Variants in ASPM observed in about 807,000 individuals in gnomAD.
ASPM encodes the protein assembly factor for spindle microtubules, also known as abnormal spindle-like microcephaly-associated protein.
In ASPM, 256 loss-of-function variants were observed where a neutral mutation model predicts 366.4. The ratio of observed to expected loss-of-function variants is 0.70; its 90% CI spans 0.63 to 0.77. The LOEUF is 0.77. Ranked by LOEUF, ASPM falls within the 30% of genes least tolerant of loss-of-function variation. The pLI is 0.00. For synonymous variants in ASPM, 1,414 were observed against 1,342.9 expected (o/e 1.05, Z -1.16); for missense variants, 4,146 against 4,090.4 (o/e 1.01, Z -0.37).
Position 197,089,966 on chromosome 1 carries a change from G to A in ASPM, c.9948C>T (p.Ile3316=). ...CNRSIPCMEV[I]RYAVQVLLNV... is the part of the protein sequence containing the mutation. Reference sequence around the variant, plus strand: ...TAAGCAAGACTTGCACAGCATATCTGATGACTTCCATACAAGGAATACTGC... The same window carrying A: ...TAAGCAAGACTTGCACAGCATATCTAATGACTTCCATACAAGGAATACTGC... The change falls in exon 25 of 28, where the codon ATC becomes ATT. Residue 3316 remains isoleucine, a synonymous_variant. Transcript: ENST00000367409. The A allele has an allele frequency of 6.2e-7, 1 of 1,613,222 alleles. No individual in the cohort carries two copies. The highest frequency in any genetic ancestry group is 8.5e-7 in the Non-Finnish European group (1 of 1,179,460).
At position 197,088,321 on chromosome 1, in the gene ASPM, C is replaced by T. The variant is rs201679731; in HGVS notation, c.10096G>A (p.Gly3366Arg). 80 of 1,613,356 alleles carry T rather than the reference C, an allele frequency of 5.0e-5. 1 individual carries two copies. In the East Asian group the frequency reaches 1.5e-3, roughly 29 times the overall value. The change falls in exon 26 of 28, where the codon GGA (glycine) becomes AGA (arginine). Residue 3366 changes from glycine to arginine, a missense_variant. Physicochemically the swap from Gly to Arg is moderately radical, Grantham distance 125. Coordinates refer to ENST00000367409, the MANE Select transcript of ASPM (RefSeq NM_018136.5). ...KPGNKVADKG[G>R]SIFTKTCCLL... ...CAACAAGTTTTTGTAAAAATGCTTCCGCCTTTGTCTGCAACTTTATTACCA... is the reference window on the plus strand; with the variant it reads ...CAACAAGTTTTTGTAAAAATGCTTCTGCCTTTGTCTGCAACTTTATTACCA...
chr1:197,124,234 T>C lies in ASPM; in HGVS notation c.3266A>G (p.His1089Arg), dbSNP rs779767367. ...TTTCTTATTAATAAGATCATCAGAA[T>C]GGCATGATAGTAGAGATATTGTTTT... ...IKKTISLLSCHSDDLINKKKG... is the reference protein window; with the variant it reads ...IKKTISLLSCRSDDLINKKKG... The change falls in exon 13 of 28, where the codon CAT (histidine) becomes CGT (arginine). Residue 1089 changes from histidine to arginine, a missense_variant. This residue lies in a region of ASPM where 3,624 missense variants were observed against 3,591.7 expected (regional missense o/e 1.01). Coordinates refer to ENST00000367409, the MANE Select transcript of ASPM (RefSeq NM_018136.5). 6.2e-7 allele frequency: 1 copy of C among 1,609,210 alleles called. No individual in the cohort carries two copies. The highest frequency in any genetic ancestry group is 1.1e-5 in the South Asian group (1 of 90,920).
At chr1:197,093,284 A>T in intron 20 of ASPM, 23 bp from the exon 21 acceptor site, 1 of 1,576,248 alleles carries the variant, frequency 6.3e-7, no homozygotes, top group Non-Finnish European at 8.7e-7. Context: ...ATTTACAAGT[A>T]ACATTAATGG....
Position 197,117,893 on chromosome 1 carries a change from C to G in ASPM, c.3961G>C (p.Val1321Leu), listed in dbSNP as rs758919365. 1 of 1,613,286 alleles carries G rather than the reference C, an allele frequency of 6.2e-7. No individual in the cohort carries two copies. The highest frequency in any genetic ancestry group is 1.1e-5 in the South Asian group (1 of 91,062). The stretch of plus-strand genomic sequence containing the variant: ...ACTCTTCGCCAATATTTCTGAATGA[C>G]GAGTGCTGCATTAACTCTTTTTCTC... ...RLRKRVNAAL[V>L]IQKYWRRVLA... The change falls in exon 17 of 28, where the codon GTC becomes CTC. Residue 1321 changes from valine to leucine, a missense_variant. By Grantham distance (32) the Val-to-Leu change is conservative (BLOSUM62 1). Transcript: ENST00000367409.
In ASPM at chr1:197,088,343, A is replaced by G; in HGVS notation, c.10074T>C (p.Gly3358=). ...TTCCGCCTTTGTCTGCAACTTTATTACCAGGCTTTTCTCGGTATATCTGCA... is the reference window on the plus strand; with the variant it reads ...TTCCGCCTTTGTCTGCAACTTTATTGCCAGGCTTTTCTCGGTATATCTGCA... ...ELLQIYREKP[G]NKVADKGGSI... Residue 3358 remains glycine, a synonymous_variant, in exon 26 of 28, where the codon GGT becomes GGC. Transcript: ENST00000367409. 4 of 1,613,362 alleles carry G rather than the reference A, an allele frequency of 2.5e-6. No individual in the cohort carries two copies. The highest frequency in any genetic ancestry group is 3.4e-6 in the Non-Finnish European group (4 of 1,179,588).
In ASPM at chr1:197,092,032, G is replaced by A. The variant is rs199422187; in HGVS notation, c.9319C>T (p.Arg3107Ter). 3.1e-6 allele frequency: 5 copies of A among 1,611,592 alleles called. No homozygotes were observed. Among genetic ancestry groups the A allele is most frequent in the South Asian group, 1.1e-5 (1 of 91,012 alleles). Residue 3107 changes from arginine to a stop codon, truncating the protein, a stop_gained, in exon 22 of 28, where the codon CGA becomes TGA. Coordinates refer to ENST00000367409, the MANE Select transcript of ASPM (RefSeq NM_018136.5). LOFTEE classifies it high-confidence loss of function. ...KRFLEQRAKI[R>*]LLHFTAAAYY... ...GCAGCTGCAGTGAAGTGAAGAAGTCGAATTTTGGCTCTCTGTTCTAAAAAC... is the reference window on the plus strand; with the variant it reads ...GCAGCTGCAGTGAAGTGAAGAAGTCAAATTTTGGCTCTCTGTTCTAAAAAC...
Position 197,105,169 on chromosome 1 carries a change from T to C in ASPM, c.4082A>G (p.Tyr1361Cys). 1 of 1,605,458 alleles carries C rather than the reference T, an allele frequency of 6.2e-7. No homozygotes were observed. The highest frequency in any genetic ancestry group is 8.5e-7 in the Non-Finnish European group (1 of 1,173,262). The change falls in exon 18 of 28, where the codon TAT (tyrosine) becomes TGT (cysteine). Residue 1361 changes from tyrosine to cysteine, a missense_variant. Coordinates refer to ENST00000367409, the MANE Select transcript of ASPM (RefSeq NM_018136.5). ...ASLIQGYWRR[Y>C]STRQRFLKLK... ...TTTCAGAAATCTTTGTCTAGTGGAA[T>C]ATCTTCTCCAATATCCCTGGAAAAG...
At position 197,122,001 on chromosome 1, in the gene ASPM, C is replaced by A; in HGVS notation, c.3784G>T (p.Asp1262Tyr). The A allele has an allele frequency of 6.2e-7, 1 of 1,612,074 alleles. No individual in the cohort carries two copies. The highest frequency in any genetic ancestry group is 8.5e-7 in the Non-Finnish European group (1 of 1,178,710). ...YLSFLCARLL[D>Y]LRKEIRAARL... ...GCAGCTCTTATTTCTTTACGAAGAT[C>A]CAAAAGCCTTGCACAAAGAAATGAC... is the stretch of plus-strand genomic sequence containing the variant. The change falls in exon 16 of 28, where the codon GAT (aspartate) becomes TAT (tyrosine). Residue 1262 changes from aspartate to tyrosine, a missense_variant. Transcript: ENST00000367409.
chr1:197,087,944 G>C (rs928454824), intron 26 of ASPM, among the ~76,000 whole-genome samples: 6 of 152,106 alleles, frequency 3.9e-5, no homozygotes, highest in African/African-American at 1.4e-4. Context: ...TACAATTATG[G>C]TTACAACAGG....
intron 18 of ASPM, 125 bp from the exon 19 acceptor site, chr1:197,096,289 A>G (rs746041159): frequency 5.9e-5 from 48 of 817,448 alleles, no homozygotes; most frequent in Non-Finnish European, 9.5e-5. Flanking sequence ...GCATAGTCAT[A>G]TCATGACTCT....
chr1:197,104,286 G>T lies in ASPM; in HGVS notation c.4965C>A (p.Ile1655=). The change falls in exon 18 of 28, where the codon ATC becomes ATA. Residue 1655 remains isoleucine (I), a synonymous_variant. Coordinates refer to ENST00000367409, the MANE Select transcript of ASPM (RefSeq NM_018136.5). The stretch of plus-strand genomic sequence containing the variant: ...ATTGAATCTTTATAACAGATGTGAG[G>T]ATGTGAATATACATTTTCCTGGCTT... The part of the protein sequence containing the change: ...GMQARKMYIH[I]LTSVIKIQSY... The T allele has an allele frequency of 1.2e-6, 2 of 1,613,022 alleles. No homozygotes were observed. The highest frequency in any genetic ancestry group is 1.7e-6 in the Non-Finnish European group (2 of 1,179,402).
chr1:197,113,513 A>G (rs1018627705), intron 17 of ASPM, among the ~76,000 whole-genome samples: 1 of 152,208 alleles, frequency 6.6e-6, no homozygotes, highest in Non-Finnish European at 1.5e-5. Context: ...TCTAAAAATT[A>G]GTTTTAGGTG....
chr1:197,131,542 G>A (rs575316867), intron 7 of ASPM, among the ~76,000 whole-genome samples: 3 of 149,978 alleles, frequency 2.0e-5, no homozygotes, highest in Non-Finnish European at 4.4e-5. Flanking sequence ...CAAATAATTG[G>A]CATAGGGCAA....
In ASPM at chr1:197,102,468, C is replaced by T. The variant is rs1324736319; in HGVS notation, c.6783G>A (p.Met2261Ile). The change falls in exon 18 of 28, where the codon ATG becomes ATA. Residue 2261 changes from methionine (M) to isoleucine (I), a missense_variant. Physicochemically the swap from Met to Ile is conservative, Grantham distance 10. This residue lies in a region of ASPM where 3,624 missense variants were observed against 3,591.7 expected (regional missense o/e 1.01). Coordinates refer to ENST00000367409, the MANE Select transcript of ASPM (RefSeq NM_018136.5). ...GAATGAGAGTTGCGGCTATATGCAT[C>T]ATTTTTAAATGTCTTCTAGCTTTCT... ...RGKKARRHLK[M>I]MHIAATLIQR... The T allele has an allele frequency of 6.2e-7, 1 of 1,612,618 alleles. No individual in the cohort carries two copies. The highest frequency in any genetic ancestry group is 1.7e-5 in the Admixed American group (1 of 59,792).
chr1:197,129,356 T>C (rs766978012), intron 8 of ASPM, 39 bp from the exon 9 acceptor site: 3 of 1,600,354 alleles, frequency 1.9e-6, no homozygotes, highest in Admixed American at 1.7e-5. Context: ...AGTTAATCTA[T>C]GAAAGGTAGG....
At chr1:197,136,965 G>T (rs1408883727) in intron 4 of ASPM, among the ~76,000 whole-genome samples, 1 of 151,968 alleles carries the variant, frequency 6.6e-6, no homozygotes, top group African/African-American at 2.4e-5. Context: ...AAAATGTTCT[G>T]TTAGCATGAA....
chr1:197,100,379 T>G (rs1003200266), intron 18 of ASPM, 52 bp downstream of exon 18: 21 of 1,200,964 alleles, frequency 1.7e-5, no homozygotes, highest in Non-Finnish European at 2.2e-5. Context: ...CTAACAAATA[T>G]TGGTCAAAAG....
chr1:197,103,894 T>A lies in ASPM; in HGVS notation c.5357A>T (p.His1786Leu), dbSNP rs1365869341. The change falls in exon 18 of 28, where the codon CAT (histidine) becomes CTT (leucine). Residue 1786 changes from histidine (H) to leucine (L), a missense_variant. This residue lies in a region of ASPM where 3,624 missense variants were observed against 3,591.7 expected (regional missense o/e 1.01). Transcript: ENST00000367409. ...KAIIVIQNYY[H>L]AYKAQVNQRK... ...CTGATTGACCTGTGCTTTGTATGCA[T>A]GATAGTAATTCTGAATGACAATAAT... 6.2e-7 allele frequency: 1 copy of A among 1,612,898 alleles called. No homozygotes were observed. Among genetic ancestry groups the A allele is most frequent in the South Asian group, 1.1e-5 (1 of 91,072 alleles).
In ASPM at chr1:197,146,503, T is replaced by A. The variant is rs952553572; in HGVS notation, c.-66A>T. ...CCACGAGGCGGCTCCGGAGCGGGGA[T>A]CCGGGACTTACGCTGACCGCTTCCC... On this transcript the variant is annotated 5_prime_UTR_variant, in exon 1 of 28. Transcript: ENST00000367409. The A allele has an allele frequency of 3.8e-6, 6 of 1,568,344 alleles. No individual in the cohort carries two copies. The highest frequency in any genetic ancestry group is 3.4e-5 in the Admixed American group (2 of 58,756).
Sources: gnomAD v4.1 joint callset for allele counts (sites outside exome capture counted in the v4.1 genomes callset) on GRCh38, gnomAD v4.1.1 for gene constraint, gnomAD v4.1.1 regional missense constraint, MANE v1.5 for transcripts, NCBI Gene and HGNC (gene_info 2026-07-23, HGNC 2026-07-21) for gene names.